EYS: variants seen among roughly 807,000 people sequenced by gnomAD.
EYS encodes the protein EGF-like photoreceptor maintenance factor.
A neutral mutation model predicts 282.1 loss-of-function variants in EYS; 250 were observed. The observed-to-expected ratio is 0.89, with a 90% confidence interval of 0.80 to 0.98. The LOEUF (loss-of-function observed/expected upper bound fraction) is 0.98, where lower values mean the gene tolerates loss of function less well. EYS is among the 50% of genes least tolerant of loss of function. The pLI, the probability that EYS is intolerant of heterozygous loss-of-function variation, is 0.00. For synonymous variants in EYS, 1,355 were observed against 1,282.9 expected (o/e 1.06, Z -1.20); for missense variants, 4,016 against 3,709.0 (o/e 1.08, Z -2.15).
chr6:64,608,595 CA>C (rs1275019752), intron 24 of EYS, among the ~76,000 whole-genome samples: 4 of 152,082 alleles, frequency 2.6e-5, no homozygotes, highest in Admixed American at 2.6e-4. Context: ...CATGTTCACA[CA>C]AAAAACTCCA....
chr6:65,571,951 G>A (rs1183988639), intron 2 of EYS, among the ~76,000 whole-genome samples: 1 of 151,948 alleles, frequency 6.6e-6, no homozygotes, highest in Non-Finnish European at 1.5e-5. Context: ...AAGATGTAAT[G>A]AGATGCATAT....
In EYS at chr6:63,778,083, G is replaced by C. The variant is rs1006095981; in HGVS notation, c.7821C>G (p.Gly2607=). 2 of 1,551,606 alleles carry C rather than the reference G, an allele frequency of 1.3e-6. No homozygotes were observed. The highest frequency in any genetic ancestry group is 1.7e-6 in the Non-Finnish European group (2 of 1,146,960). Residue 2607 remains glycine, a synonymous_variant, in exon 40 of 43, where the codon GGC becomes GGG. Transcript: ENST00000503581. ...AACTGCAGGGAGAAGCATGACACTG[G>C]CCAACACTGCGTCCAGCATTTGGGT... The part of the protein sequence containing the change: ...EGHPNAGRSV[G]QCHASPCSLM...
chr6:64,968,075 A>G (rs191166302), intron 14 of EYS, among the ~76,000 whole-genome samples: 170 of 152,284 alleles, frequency 1.1e-3, no homozygotes, highest in African/African-American at 3.6e-3. Flanking sequence ...ATACAACATA[A>G]AAGACAAATT....
chr6:64,001,488 A>G (rs911677532), intron 33 of EYS, among the ~76,000 whole-genome samples: 1 of 152,076 alleles, frequency 6.6e-6, no homozygotes, highest in Non-Finnish European at 1.5e-5. Context: ...TGCACTTTAG[A>G]TTTATAATTT....
At chr6:65,447,103 A>G (rs985802154) in intron 5 of EYS, among the ~76,000 whole-genome samples, 7 of 151,512 alleles carry the variant, frequency 4.6e-5, no homozygotes, top group Admixed American at 4.0e-4. Context: ...AAATTCAGAA[A>G]GATTCAGTAC....
chr6:64,413,124 T>G (rs1773955451), intron 28 of EYS, among the ~76,000 whole-genome samples: 1 of 152,132 alleles, frequency 6.6e-6, no homozygotes, highest in African/African-American at 2.4e-5. Flanking sequence ...CCTCACCTTG[T>G]GCAGCCATAT....
intron 35 of EYS, among the ~76,000 whole-genome samples, chr6:63,904,498 C>G (rs1773729903): frequency 6.6e-6 from 1 of 152,184 alleles, no homozygotes. Flanking sequence ...CAGTGTCAGG[C>G]CTTCGGCTCC....
At chr6:64,010,881 T>G (rs1768587999) in intron 33 of EYS, among the ~76,000 whole-genome samples, 1 of 152,182 alleles carries the variant, frequency 6.6e-6, no homozygotes, top group Admixed American at 6.5e-5. Flanking sequence ...ATACTTTGAT[T>G]GCATTCTGTT....
chr6:64,686,281 T>C (rs569155322), intron 22 of EYS, among the ~76,000 whole-genome samples: 1 of 151,884 alleles, frequency 6.6e-6, no homozygotes, highest in East Asian at 1.9e-4. Context: ...CATCAGCAAA[T>C]AAATTATTTA....
At chr6:64,807,999 T>TTCCTTCCTCCCTCCG in intron 22 of EYS, among the ~76,000 whole-genome samples, 1 of 142,476 alleles carries the variant, frequency 7.0e-6, no homozygotes, top group East Asian at 2.1e-4. Flanking sequence ...CTTCCCTTAC[T>TTCCTTCCTCCCTCCG]TCCTTCCTCC....
chr6:65,665,406 C>T (rs575714954), intron 1 of EYS, among the ~76,000 whole-genome samples: 1 of 152,178 alleles, frequency 6.6e-6, no homozygotes, highest in Admixed American at 6.5e-5. Flanking sequence ...ATAGCAGTGA[C>T]CCCTCAAGAA....
chr6:64,383,811 A>G (rs1416288761), intron 29 of EYS, among the ~76,000 whole-genome samples: 1 of 152,168 alleles, frequency 6.6e-6, no homozygotes, highest in Non-Finnish European at 1.5e-5. Context: ...GATTTCTTCA[A>G]TGGTGTGTTT....
At chr6:65,174,670 G>T (rs1219417388) in intron 12 of EYS, among the ~76,000 whole-genome samples, 2 of 151,304 alleles carry the variant, frequency 1.3e-5, no homozygotes, top group African/African-American at 2.4e-5. Context: ...AAAAATAGCT[G>T]ACATTCATGT....
At chr6:64,401,872 T>C (rs1773548325) in intron 28 of EYS, among the ~76,000 whole-genome samples, 1 of 152,130 alleles carries the variant, frequency 6.6e-6, no homozygotes, top group South Asian at 2.1e-4. Flanking sequence ...AAACTTTGAA[T>C]GGTAGACTAT....
At chr6:64,784,411 T>A (rs1306103756) in intron 22 of EYS, among the ~76,000 whole-genome samples, 2 of 152,178 alleles carry the variant, frequency 1.3e-5, no homozygotes, top group East Asian at 3.8e-4. Flanking sequence ...ACCTTTTTAT[T>A]TGGTCACAAA....
chr6:64,025,013 C>T (rs1290307327), intron 33 of EYS, among the ~76,000 whole-genome samples: 4 of 152,152 alleles, frequency 2.6e-5, no homozygotes, highest in South Asian at 2.1e-4. Flanking sequence ...GTGAGACCAT[C>T]GCCTATTGCC....
intron 30 of EYS, among the ~76,000 whole-genome samples, chr6:64,258,192 T>A (rs893049202): frequency 6.6e-6 from 1 of 152,074 alleles, no homozygotes; most frequent in Non-Finnish European, 1.5e-5. Context: ...ATTAACTTAA[T>A]GGTACAGTAT....
At chr6:65,021,198 C>A (rs779796525) in intron 13 of EYS, among the ~76,000 whole-genome samples, 1 of 152,228 alleles carries the variant, frequency 6.6e-6, no homozygotes, top group Non-Finnish European at 1.5e-5. Context: ...TTTTCCAGTG[C>A]ATCATCAGGC....
At chr6:65,282,361 T>A (rs1395067584) in intron 12 of EYS, among the ~76,000 whole-genome samples, 1 of 151,894 alleles carries the variant, frequency 6.6e-6, no homozygotes, top group Admixed American at 6.6e-5. Flanking sequence ...AAAGTACCGA[T>A]TTACAATTCA....
Sources: gnomAD v4.1 joint callset for allele counts (sites outside exome capture counted in the v4.1 genomes callset) on GRCh38, gnomAD v4.1.1 for gene constraint, MANE v1.5 for transcripts, NCBI Gene and HGNC (gene_info 2026-07-23, HGNC 2026-07-21) for gene names.